ADAMTS9: variants seen among roughly 807,000 people sequenced by gnomAD.
ADAMTS9 encodes the protein A disintegrin and metalloproteinase with thrombospondin motifs 9.
A neutral mutation model predicts 257.1 loss-of-function variants in ADAMTS9; 107 were observed. That is an observed-to-expected ratio of 0.42 (90% confidence interval 0.36 to 0.49). ADAMTS9 has a LOEUF of 0.49. Ranked by LOEUF, ADAMTS9 falls within the 20% of genes least tolerant of loss-of-function variation. ADAMTS9 has a pLI of 0.03. For missense variants in ADAMTS9, 2,353 were observed against 2,469.1 expected (o/e 0.95, Z 1.00); for synonymous variants, 982 against 880.9 (o/e 1.11, Z -2.03).
intron 26 of ADAMTS9, among the ~76,000 whole-genome samples, chr3:64,600,414 C>T (rs1191356163): frequency 2.6e-5 from 4 of 152,156 alleles, no homozygotes; most frequent in Admixed American, 2.6e-4. Context: ...TGGTATTACC[C>T]ATCGCCACAA....
At chr3:64,685,915 C>G (rs1171908567) in intron 2 of ADAMTS9, among the ~76,000 whole-genome samples, 1 of 152,206 alleles carries the variant, frequency 6.6e-6, no homozygotes, top group African/African-American at 2.4e-5. Flanking sequence ...CTCGGTTCCA[C>G]CCCAATTCAA....
intron 3 of ADAMTS9, among the ~76,000 whole-genome samples, chr3:64,680,370 T>C (rs555773935): frequency 6.6e-5 from 10 of 152,298 alleles, no homozygotes; most frequent in Admixed American, 1.3e-4. Context: ...GAATTTTTTT[T>C]TAAGTATTTT....
At chr3:64,576,832 C>T (rs568483981) in intron 28 of ADAMTS9, among the ~76,000 whole-genome samples, 2 of 152,298 alleles carry the variant, frequency 1.3e-5, no homozygotes, top group Admixed American at 1.3e-4. Flanking sequence ...TCGAAGGCTG[C>T]TGTCAATATG....
intron 32 of ADAMTS9, 51 bp downstream of exon 32, chr3:64,546,707 G>A (rs779867256): frequency 1.1e-5 from 17 of 1,518,516 alleles, no homozygotes; most frequent in African/African-American, 2.8e-5. Context: ...TGTTTAAGAC[G>A]GGGTTGAGAT....
intron 16 of ADAMTS9, among the ~76,000 whole-genome samples, chr3:64,624,921 T>A (rs1700191319): frequency 6.6e-6 from 1 of 152,156 alleles, no homozygotes; most frequent in African/African-American, 2.4e-5. Context: ...CTTGAATAAG[T>A]CCTCTTGAGT....
intron 12 of ADAMTS9, among the ~76,000 whole-genome samples, chr3:64,638,101 A>G (rs982807834): frequency 3.9e-5 from 6 of 152,234 alleles, no homozygotes; most frequent in African/African-American, 1.4e-4. Context: ...TATCTAGTTC[A>G]TAATCCTTTT....
intron 30 of ADAMTS9, among the ~76,000 whole-genome samples, chr3:64,553,646 G>C (rs958227467): frequency 2.0e-5 from 3 of 152,090 alleles, no homozygotes; most frequent in African/African-American, 7.2e-5. Context: ...GGGATATGCT[G>C]GCATTTCCTG....
chr3:64,663,584 C>T (rs1178684496), intron 3 of ADAMTS9, among the ~76,000 whole-genome samples: 1 of 151,888 alleles, frequency 6.6e-6, no homozygotes, highest in Admixed American at 6.6e-5. Context: ...ACAAAGTATA[C>T]TTATAAATAA....
chr3:64,570,679 G>T (rs1316577736), intron 28 of ADAMTS9, among the ~76,000 whole-genome samples: 1 of 98,172 alleles, frequency 1.0e-5, no homozygotes, highest in African/African-American at 4.4e-5. Context: ...CTGGGCGAAA[G>T]AGCAAGACTC....
At chr3:64,607,155 C>T in intron 22 of ADAMTS9, 76 bp from the exon 23 acceptor site, 1 of 1,573,288 alleles carries the variant, frequency 6.4e-7, no homozygotes, top group East Asian at 2.2e-5. Context: ...TAACATTCTG[C>T]AAGAGAGAAA....
intron 28 of ADAMTS9, among the ~76,000 whole-genome samples, chr3:64,578,777 T>A (rs2083921751): frequency 6.6e-6 from 1 of 152,186 alleles, no homozygotes; most frequent in African/African-American, 2.4e-5. Context: ...GGAGTCATTG[T>A]GACCCCTTTC....
chr3:64,676,416 A>G (rs1701625705), intron 3 of ADAMTS9, among the ~76,000 whole-genome samples: 1 of 152,212 alleles, frequency 6.6e-6, no homozygotes, highest in African/African-American at 2.4e-5. Flanking sequence ...TCAAAAGTAA[A>G]GACTGCCTAT....
intron 29 of ADAMTS9, among the ~76,000 whole-genome samples, chr3:64,562,143 G>C (rs1379426164): frequency 6.6e-6 from 1 of 152,206 alleles, no homozygotes; most frequent in Non-Finnish European, 1.5e-5. Context: ...TGGAGAGACA[G>C]TGTTGTACAA....
intron 3 of ADAMTS9, among the ~76,000 whole-genome samples, chr3:64,673,687 ATTAT>A (rs1368547805): frequency 2.6e-5 from 4 of 152,132 alleles, no homozygotes; most frequent in African/African-American, 9.7e-5. Flanking sequence ...TTGCTGAAAC[ATTAT>A]TTATAATATT....
At chr3:64,639,979 G>A (rs747692678) in intron 12 of ADAMTS9, among the ~76,000 whole-genome samples, 5 of 152,180 alleles carry the variant, frequency 3.3e-5, no homozygotes, top group Non-Finnish European at 7.4e-5. Flanking sequence ...TAGGCAGGAA[G>A]TAGGAATAGT....
intron 12 of ADAMTS9, among the ~76,000 whole-genome samples, chr3:64,637,028 C>G (rs1700517003): frequency 6.6e-6 from 1 of 152,098 alleles, no homozygotes; most frequent in African/African-American, 2.4e-5. Context: ...TTGAGACAGG[C>G]CTCTTTCCAT....
At chr3:64,544,677 G>C (rs2083173197) in intron 32 of ADAMTS9, among the ~76,000 whole-genome samples, 1 of 152,096 alleles carries the variant, frequency 6.6e-6, no homozygotes, top group South Asian at 2.1e-4. Flanking sequence ...GAAAACCTAG[G>C]CAATACCATT....
chr3:64,651,034 A>G lies in ADAMTS9; in HGVS notation c.1446T>C (p.Tyr482=), dbSNP rs150093472. Residue 482 remains tyrosine, a synonymous_variant, in exon 9 of 40, where the codon TAT becomes TAC. Coordinates refer to ENST00000498707, the MANE Select transcript of ADAMTS9 (RefSeq NM_182920.2). ...PWMWSKCSRK[Y]ITEFLDTGYG... is the part of the protein sequence containing the mutation. ...AGTCTTACTCTAAAAACTCAGTGAT[A>G]TATTTTCGACTACACTTTGACCACA... 468 of 1,604,902 alleles carry G rather than the reference A, an allele frequency of 2.9e-4. No homozygotes were observed. The highest frequency in any genetic ancestry group is 3.7e-4 in the Non-Finnish European group (438 of 1,176,786).
At chr3:64,653,102 G>C (rs553911178) in intron 8 of ADAMTS9, among the ~76,000 whole-genome samples, 4 of 152,160 alleles carry the variant, frequency 2.6e-5, no homozygotes, top group Non-Finnish European at 5.9e-5. Context: ...CTGGTCCCAA[G>C]CATTTGGGTA....
Sources: allele counts gnomAD v4.1 joint callset (sites outside exome capture counted in the v4.1 genomes callset), GRCh38; gene constraint gnomAD v4.1.1; transcripts MANE v1.5; gene names NCBI Gene and HGNC (gene_info 2026-07-23, HGNC 2026-07-21).